Variants in ANKRD17 observed in about 807,000 individuals in gnomAD.
ANKRD17 encodes ankyrin repeat domain 17, also known as ankyrin repeat domain-containing protein 17.
ANKRD17 carries 19 observed loss-of-function variants against 229.7 expected under a neutral mutation model. The observed-to-expected ratio is 0.08, with a 90% confidence interval of 0.06 to 0.12. ANKRD17 has a LOEUF of 0.12. Among genes scored for constraint, ANKRD17 ranks in the 10% least tolerant of loss-of-function variants. The probability of loss-of-function intolerance (pLI) is 1.00; values close to 1 mark genes in which losing one functional copy is unlikely to be tolerated. For missense variants in ANKRD17, 2,176 were observed against 3,176.8 expected, an observed-to-expected ratio of 0.68 and a Z score of 7.57; for synonymous variants, 1,112 against 1,146.1, an observed-to-expected ratio of 0.97 and a Z score of 0.60.
chr4:73,211,896 G>A (rs535391002), intron 1 of ANKRD17, among the ~76,000 whole-genome samples: 19 of 150,294 alleles, frequency 1.3e-4, no homozygotes, highest in African/African-American at 4.2e-4. Context: ...ATAAGCAGAA[G>A]GGGTCTTAAG....
At chr4:73,104,855 G>T (rs1348505141) in intron 24 of ANKRD17, among the ~76,000 whole-genome samples, 1 of 152,090 alleles carries the variant, frequency 6.6e-6, no homozygotes, top group East Asian at 1.9e-4. Flanking sequence ...TGTTGATGGG[G>T]GTGGTAGGTT....
chr4:73,189,253 T>TAGTAGTATA (rs1736703758), intron 1 of ANKRD17, among the ~76,000 whole-genome samples: 1 of 152,048 alleles, frequency 6.6e-6, no homozygotes, highest in South Asian at 2.1e-4. Flanking sequence ...TTAAATTTAG[T>TAGTAGTATA]AGTAGTATAA....
Position 73,091,481 on chromosome 4 carries a change from T to C in ANKRD17, c.6147A>G (p.Pro2049=), listed in dbSNP as rs999738074. Reference sequence around the variant, plus strand: ...TTCTAGAAACCCCTCCTGGCTGGGCTGGTGGTGATGGGGAAGATGGGGATG... The same window carrying C: ...TTCTAGAAACCCCTCCTGGCTGGGCCGGTGGTGATGGGGAAGATGGGGATG... ...PVSSPSSPSP[P]AQPGGVSRNS... The change falls in exon 29 of 34, where the codon CCA becomes CCG. Residue 2049 remains proline, a synonymous_variant. Coordinates refer to ENST00000358602, the MANE Select transcript of ANKRD17 (RefSeq NM_032217.5). 22 of 1,614,142 alleles carry C rather than the reference T, an allele frequency of 1.4e-5. No individual in the cohort carries two copies. The highest frequency in any genetic ancestry group is 1.9e-5 in the Non-Finnish European group (22 of 1,180,016).
chr4:73,114,216 T>C (rs1220414026), intron 23 of ANKRD17, among the ~76,000 whole-genome samples: 1 of 152,152 alleles, frequency 6.6e-6, no homozygotes. Context: ...AGAACTACAA[T>C]AATTTATGTT....
chr4:73,088,560 C>G (rs972798207), intron 29 of ANKRD17, among the ~76,000 whole-genome samples: 1 of 152,112 alleles, frequency 6.6e-6, no homozygotes, highest in Non-Finnish European at 1.5e-5. Context: ...GTATTAAATT[C>G]CAACTACTAT....
At chr4:73,212,560 C>T (rs1242956290) in intron 1 of ANKRD17, among the ~76,000 whole-genome samples, 1 of 147,946 alleles carries the variant, frequency 6.8e-6, no homozygotes, top group Non-Finnish European at 1.5e-5. Context: ...ATGGAGAAAA[C>T]TAAAAAATAA....
At chr4:73,181,884 C>G (rs1187442340) in intron 1 of ANKRD17, among the ~76,000 whole-genome samples, 1 of 151,016 alleles carries the variant, frequency 6.6e-6, no homozygotes, top group African/African-American at 2.4e-5. Context: ...CCTGTCTCTA[C>G]TAAAAATACA....
intron 27 of ANKRD17, among the ~76,000 whole-genome samples, chr4:73,096,677 A>G (rs1306182545): frequency 6.6e-6 from 1 of 152,220 alleles, no homozygotes; most frequent in Non-Finnish European, 1.5e-5. Context: ...TCTTGGATAC[A>G]TATTATTTTT....
At chr4:73,105,038 C>T (rs1560522756) in intron 24 of ANKRD17, among the ~76,000 whole-genome samples, 2 of 152,056 alleles carry the variant, frequency 1.3e-5, no homozygotes, top group South Asian at 2.1e-4. Flanking sequence ...AGTTTTAAAG[C>T]CGGCGTTTTG....
chr4:73,099,428 A>G (rs911940028), intron 25 of ANKRD17, among the ~76,000 whole-genome samples: 8 of 152,110 alleles, frequency 5.3e-5, no homozygotes, highest in Admixed American at 6.6e-5. Flanking sequence ...GGACAATGCT[A>G]ACATCCCACT....
chr4:73,142,463 C>A (rs1195651186), intron 12 of ANKRD17, 78 bp from the exon 13 acceptor site: 1 of 1,566,250 alleles, frequency 6.4e-7, no homozygotes, highest in East Asian at 2.3e-5. Context: ...GAAGATAAAG[C>A]CAACAGGTCC....
intron 18 of ANKRD17, among the ~76,000 whole-genome samples, chr4:73,122,090 T>G (rs1039397405): frequency 6.6e-6 from 1 of 152,178 alleles, no homozygotes; most frequent in African/African-American, 2.4e-5. Flanking sequence ...TGGGACAAGA[T>G]TTTTTCGTAT....
At chr4:73,180,960 C>G (rs1328272693) in intron 1 of ANKRD17, among the ~76,000 whole-genome samples, 1 of 152,094 alleles carries the variant, frequency 6.6e-6, no homozygotes, top group East Asian at 1.9e-4. Context: ...TAGTCATGTA[C>G]ACCCAGCAAT....
chr4:73,161,408 C>G, intron 2 of ANKRD17, 60 bp from the exon 3 acceptor site: 1 of 1,560,664 alleles, frequency 6.4e-7, no homozygotes, highest in Admixed American at 1.7e-5. Flanking sequence ...AAGCAAAATT[C>G]AAGTTACTTA....
chr4:73,149,310 A>G (rs929540174), intron 7 of ANKRD17, among the ~76,000 whole-genome samples: 2 of 150,278 alleles, frequency 1.3e-5, no homozygotes, highest in African/African-American at 2.5e-5. Context: ...TAACCATTAG[A>G]AAAAAAAACA....
chr4:73,184,345 A>G (rs1037275774), intron 1 of ANKRD17, among the ~76,000 whole-genome samples: 1 of 152,066 alleles, frequency 6.6e-6, no homozygotes, highest in Non-Finnish European at 1.5e-5. Context: ...CCTGGCCAAC[A>G]TGGTGAAAGC....
At chr4:73,147,915 A>C (rs1730502231) in intron 8 of ANKRD17, among the ~76,000 whole-genome samples, 1 of 152,166 alleles carries the variant, frequency 6.6e-6, no homozygotes, top group Non-Finnish European at 1.5e-5. Flanking sequence ...ATACAAGGTC[A>C]CAACATTATT....
intron 25 of ANKRD17, among the ~76,000 whole-genome samples, chr4:73,099,860 A>G (rs1723748439): frequency 6.6e-6 from 1 of 152,104 alleles, no homozygotes; most frequent in Admixed American, 6.5e-5. Flanking sequence ...CTGAGTACAC[A>G]TTGCGGTGAT....
chr4:73,116,885 C>T (rs1578098586), intron 22 of ANKRD17, among the ~76,000 whole-genome samples: 1 of 151,704 alleles, frequency 6.6e-6, no homozygotes, highest in African/African-American at 2.4e-5. Context: ...TAATATAGTA[C>T]TCTAGCCCAC....
Sources: allele counts gnomAD v4.1 joint callset (sites outside exome capture counted in the v4.1 genomes callset), GRCh38; gene constraint gnomAD v4.1.1; transcripts MANE v1.5; gene names NCBI Gene and HGNC (gene_info 2026-07-23, HGNC 2026-07-21).